Variants in UNC5D observed in about 807,000 individuals in gnomAD.
UNC5D encodes the protein netrin receptor UNC5D.
UNC5D carries 39 observed loss-of-function variants against 105.4 expected under a neutral mutation model. That is an observed-to-expected ratio of 0.37 (90% CI 0.29 to 0.48). The LOEUF (loss-of-function observed/expected upper bound fraction) is 0.48, where lower values mean the gene tolerates loss of function less well. Among genes scored for constraint, UNC5D ranks in the 20% least tolerant of loss-of-function variants. The pLI is 0.98. For synonymous variants in UNC5D, 452 were observed against 450.4 expected (o/e 1.00, Z -0.04); for missense variants, 991 against 1,202.4 (o/e 0.82, Z 2.60).
chr8:35,617,666 A>G (rs1821112485), intron 4 of UNC5D, among the ~76,000 whole-genome samples: 1 of 152,172 alleles, frequency 6.6e-6, no homozygotes. Context: ...CACGGCACAG[A>G]TTACAGGCAC....
intron 1 of UNC5D, among the ~76,000 whole-genome samples, chr8:35,471,367 C>A (rs1358936465): frequency 6.6e-6 from 1 of 152,044 alleles, no homozygotes; most frequent in East Asian, 1.9e-4. Flanking sequence ...CAGTGTGCAT[C>A]CTCCTCTCAG....
At chr8:35,659,086 CAA>C (rs1823959908) in intron 4 of UNC5D, among the ~76,000 whole-genome samples, 1 of 152,140 alleles carries the variant, frequency 6.6e-6, no homozygotes, top group East Asian at 1.9e-4. Flanking sequence ...GTGGCTGAGA[CAA>C]TGTTATGCTA....
At chr8:35,774,172 T>C (rs1303390901) in intron 15 of UNC5D, 127 bp from the exon 16 acceptor site, 3 of 959,772 alleles carry the variant, frequency 3.1e-6, no homozygotes, top group Admixed American at 5.1e-5. Context: ...ATGTATTTTA[T>C]AGAGTCCATC....
intron 1 of UNC5D, among the ~76,000 whole-genome samples, chr8:35,337,648 G>A (rs1407983475): frequency 1.3e-5 from 2 of 152,070 alleles, no homozygotes; most frequent in African/African-American, 4.8e-5. Context: ...TCAGTAAGTA[G>A]CTGGAATGTT....
At chr8:35,335,756 A>ATTTTTTTTTTTTTTTTT (rs35774459) in intron 1 of UNC5D, among the ~76,000 whole-genome samples, 6 of 90,454 alleles carry the variant, frequency 6.6e-5, no homozygotes, top group Admixed American at 1.5e-4. Flanking sequence ...AGAGATTGCA[A>ATTTTTTTTTTTTTTTTT]TTTTTTTTTT....
At chr8:35,561,988 A>G (rs1018259104) in intron 2 of UNC5D, among the ~76,000 whole-genome samples, 2 of 152,162 alleles carry the variant, frequency 1.3e-5, no homozygotes, top group Non-Finnish European at 2.9e-5. Context: ...CTTCTACTTA[A>G]CTGTATTTTA....
intron 3 of UNC5D, among the ~76,000 whole-genome samples, chr8:35,591,970 T>A (rs1162202305): frequency 6.6e-6 from 1 of 152,202 alleles, no homozygotes; most frequent in East Asian, 1.9e-4. Context: ...CCCTGCAATG[T>A]TCCTGCGGTT....
At chr8:35,336,791 G>GTTTTTT (rs11404669) in intron 1 of UNC5D, among the ~76,000 whole-genome samples, 3 of 147,676 alleles carry the variant, frequency 2.0e-5, no homozygotes, top group Non-Finnish European at 3.0e-5. Context: ...AGGAAATAGT[G>GTTTTTT]TTTTTTTTTT....
Position 35,766,893 on chromosome 8 carries a change from C to T in UNC5D, c.2314-9C>T, listed in dbSNP as rs767033807. The T allele has an allele frequency of 1.9e-6, 3 of 1,609,490 alleles. No individual in the cohort carries two copies. The highest frequency in any genetic ancestry group is 8.5e-7 in the Non-Finnish European group (1 of 1,177,298). On this transcript the variant is annotated splice_polypyrimidine_tract_variant and intron_variant, in intron 14 of 16. Transcript: ENST00000404895. The stretch of plus-strand genomic sequence containing the variant: ...TGCACACCATCCCTTCTCTCCGTCT[C>T]CCCTGCAGGAAGTCCCGTTCTCCCG...
intron 1 of UNC5D, among the ~76,000 whole-genome samples, chr8:35,540,349 C>A (rs1364390405): frequency 6.6e-6 from 1 of 151,236 alleles, no homozygotes; most frequent in African/African-American, 2.4e-5. Context: ...TTCCCTGATA[C>A]GTGGATTTTA....
rs1364087717 is a variant in UNC5D at position 35,657,100 on chromosome 8, A to G, written c.571-26447A>G. Among the ~76,000 whole-genome samples the G allele has an allele frequency of 5.0e-4, 57 of 114,838 alleles. 1 individual carries two copies. The South Asian group carries it at 0.015, about 29-fold the overall frequency. 75.3% of individuals were successfully genotyped at this position (114,838 alleles called of 152,430 possible). A position where few individuals can be genotyped will look rare whatever the true frequency, so the allele number is the denominator to read the frequency against. On this transcript the variant is annotated intron_variant, in intron 4 of 16. Coordinates refer to ENST00000404895, the MANE Select transcript of UNC5D (RefSeq NM_080872.4). Reference sequence around the variant, plus strand: ...TGTGTGTATATATATATATATATATATATATATATATATATATATATATGC... The same window carrying G: ...TGTGTGTATATATATATATATATATGTATATATATATATATATATATATGC...
chr8:35,598,143 G>A (rs1312583671), intron 4 of UNC5D, among the ~76,000 whole-genome samples: 1 of 152,006 alleles, frequency 6.6e-6, no homozygotes, highest in African/African-American at 2.4e-5. Context: ...TGTACACTCT[G>A]CAAATGTTGC....
chr8:35,696,772 G>A (rs940119594), intron 7 of UNC5D, among the ~76,000 whole-genome samples: 2 of 152,200 alleles, frequency 1.3e-5, no homozygotes, highest in East Asian at 1.9e-4. Context: ...ATCAATAGAC[G>A]CTATCATTAA....
intron 4 of UNC5D, among the ~76,000 whole-genome samples, chr8:35,613,660 G>C (rs1213410638): frequency 1.3e-5 from 2 of 152,090 alleles, no homozygotes; most frequent in Admixed American, 6.6e-5. Context: ...ACCAGCCTGG[G>C]AAACATGGCA....
At chr8:35,307,039 C>T (rs1808474898) in intron 1 of UNC5D, among the ~76,000 whole-genome samples, 1 of 151,984 alleles carries the variant, frequency 6.6e-6, no homozygotes, top group South Asian at 2.1e-4. Flanking sequence ...CTTTTGGCTT[C>T]CCTGGGCTAC....
chr8:35,633,615 C>T (rs564297635), intron 4 of UNC5D, among the ~76,000 whole-genome samples: 1 of 152,156 alleles, frequency 6.6e-6, no homozygotes, highest in South Asian at 2.1e-4. Context: ...ATTAGCAAGA[C>T]ATGGTGGCAC....
intron 4 of UNC5D, among the ~76,000 whole-genome samples, chr8:35,660,943 A>G (rs1203470893): frequency 6.6e-6 from 1 of 152,052 alleles, no homozygotes; most frequent in Non-Finnish European, 1.5e-5. Context: ...ATATTTATTT[A>G]AAAAACTAGC....
chr8:35,756,818 C>G (rs558242635), intron 13 of UNC5D, among the ~76,000 whole-genome samples: 1 of 152,260 alleles, frequency 6.6e-6, no homozygotes, highest in East Asian at 1.9e-4. Flanking sequence ...TAGTACTACA[C>G]TAAATAACAC....
At chr8:35,648,678 CAAAAAAAA>C (rs1251731084) in intron 4 of UNC5D, among the ~76,000 whole-genome samples, 1 of 46,040 alleles carries the variant, frequency 2.2e-5, no homozygotes, top group African/African-American at 7.1e-5. Context: ...GAGTCCGTCT[CAAAAAAAA>C]AAAAAAAAAA....
Sources: allele counts gnomAD v4.1 joint callset (sites outside exome capture counted in the v4.1 genomes callset), GRCh38; gene constraint gnomAD v4.1.1; transcripts MANE v1.5; gene names NCBI Gene and HGNC (gene_info 2026-07-23, HGNC 2026-07-21).